GRWD1: variants seen among roughly 807,000 people sequenced by gnomAD.
The protein encoded by GRWD1 is glutamate rich WD repeat containing 1.
GRWD1 carries 29 observed loss-of-function variants against 45.3 expected under a neutral mutation model. The observed-to-expected ratio is 0.64, with a 90% CI of 0.48 to 0.87. The LOEUF (loss-of-function observed/expected upper bound fraction) is 0.87, where lower values mean the gene tolerates loss of function less well. GRWD1 is among the 40% of genes least tolerant of loss of function. The pLI is 0.00. For missense variants in GRWD1, 592 were observed against 618.8 expected, an observed-to-expected ratio of 0.96 and a Z score of 0.46; for synonymous variants, 262 against 257.6, an observed-to-expected ratio of 1.02 and a Z score of -0.16.
chr19:48,446,696 G>T lies in GRWD1; in HGVS notation c.321G>T (p.Arg107=). 2.1e-5 allele frequency: 33 copies of T among 1,599,802 alleles called. No individual in the cohort carries two copies. Among genetic ancestry groups the T allele is most frequent in the Non-Finnish European group, 2.6e-5 (31 of 1,172,946 alleles). ...TTTCTCCCAGACTGATGATGCTTCG[G>T]ATGCACAATCTGCATGGGACAAAGC... The part of the protein sequence containing the change: ...SAQSNRLMML[R]MHNLHGTKPP... The change falls in exon 3 of 7, where the codon CGG becomes CGT. Residue 107 remains arginine, a synonymous_variant. Transcript: ENST00000253237.
chr19:48,447,611 G>C (rs746937840), intron 3 of GRWD1, among the ~76,000 whole-genome samples: 1 of 151,576 alleles, frequency 6.6e-6, no homozygotes, highest in African/African-American at 2.4e-5. Context: ...TCCTGACCTC[G>C]AGTGATTGAT....
In GRWD1 at chr19:48,454,185, C is replaced by A. The variant is rs1971508551; in HGVS notation, c.*1160C>A. ...GGCTTCATCTCAGGGAACTCTGGAC[C>A]CCCCATTTCTCCCTCCGTCCATCTC... On this transcript the variant is annotated 3_prime_UTR_variant, in exon 7 of 7. Transcript: ENST00000253237. The A allele has an allele frequency of 6.6e-6, 1 of 152,180 alleles. No individual in the cohort carries two copies. Among genetic ancestry groups the A allele is most frequent in the Non-Finnish European group, 1.5e-5 (1 of 68,120 alleles). The allele number at this position is 152,180 out of a possible 1,614,324, so 9.4% of individuals were successfully genotyped here. A position where few individuals can be genotyped will look rare whatever the true frequency, so the allele number is the denominator to read the frequency against.
Position 48,452,580 on chromosome 19 carries a change from G to T in GRWD1, c.1024-128G>T, listed in dbSNP as rs139736878. 1.3e-6 allele frequency: 1 copy of T among 762,610 alleles called. No homozygotes were observed. Among genetic ancestry groups the T allele is most frequent in the Non-Finnish European group, 2.1e-6 (1 of 468,034 alleles). 47.2% of individuals were successfully genotyped at this position (762,610 alleles called of 1,614,324 possible). ...TGTCCCTTTCCTGGACTCTGGGCTTGTGAGGGCTTAAGGGGTGGGGCCCTG... is the reference window on the plus strand; with the variant it reads ...TGTCCCTTTCCTGGACTCTGGGCTTTTGAGGGCTTAAGGGGTGGGGCCCTG... On this transcript the variant is annotated intron_variant, in intron 6 of 6. Transcript: ENST00000253237. The surrounding 1 kb of genome is among the most constrained non-coding windows in gnomAD (Gnocchi z 5.1).
At position 48,451,084 on chromosome 19, in the gene GRWD1, G is replaced by A. The variant is rs184556377; in HGVS notation, c.876G>A (p.Arg292=). 1.3e-4 allele frequency: 205 copies of A among 1,614,042 alleles called. 4 individuals carry two copies. The East Asian group carries it at 3.3e-3, about 26-fold the overall frequency. ...ADASIRIWDI[R]AAPSKACMLT... ...CCTCCATCCGCATCTGGGACATCCGGGCAGCCCCCAGCAAGGCCTGCATGC... is the reference window on the plus strand; with the variant it reads ...CCTCCATCCGCATCTGGGACATCCGAGCAGCCCCCAGCAAGGCCTGCATGC... Residue 292 remains arginine (R), a synonymous_variant, in exon 6 of 7, where the codon CGG becomes CGA. Transcript: ENST00000253237.
Position 48,449,839 on chromosome 19 carries a change from A to C in GRWD1, c.469-474A>C, listed in dbSNP as rs550857777. Among the ~76,000 whole-genome samples the C allele has an allele frequency of 2.6e-5, 4 of 152,242 alleles. No individual in the cohort carries two copies. The East Asian group carries it at 7.7e-4, about 29-fold the overall frequency. ...CTGTCTCAAAAACAAAAAAGTTTGAACGGTCAATGCAGTAAGAGTCTGGAG... is the reference window on the plus strand; with the variant it reads ...CTGTCTCAAAAACAAAAAAGTTTGACCGGTCAATGCAGTAAGAGTCTGGAG... On this transcript the variant is annotated intron_variant, in intron 3 of 6. Coordinates refer to ENST00000253237, the MANE Select transcript of GRWD1 (RefSeq NM_031485.4).
rs751367297 is a variant in GRWD1, at chr19:48,452,753, A to G, written c.1069A>G (p.Thr357Ala). 5 of 1,598,980 alleles carry G rather than the reference A, an allele frequency of 3.1e-6. No individual in the cohort carries two copies. In the African/African-American group the frequency reaches 6.7e-5, roughly 21 times the overall value. The change falls in exon 7 of 7, where the codon ACC (threonine) becomes GCC (alanine). Residue 357 changes from threonine (T) to alanine (A), a missense_variant. Thr to Ala is a moderately conservative substitution (Grantham distance 58). Transcript: ENST00000253237. This position sits in a 1 kb window ranked among gnomAD's most constrained non-coding sequence, Gnocchi z 5.1. ...ATFKQHVAPV[T>A]SVEWHPQDSG... ...CTTCAAGCAGCACGTGGCCCCCGTG[A>G]CCTCCGTCGAGTGGCACCCCCAGGA...
rs776202948 is a variant in GRWD1 at position 48,446,198 on chromosome 19, G to A, written c.187+6G>A. On this transcript the variant is annotated splice_donor_region_variant and intron_variant, in intron 1 of 6. Coordinates refer to ENST00000253237, the MANE Select transcript of GRWD1 (RefSeq NM_031485.4). ...CTACCACCGAGCGCAGACTGGTAGG[G>A]CTGAGTCCGGACTCCAGGGTCCTGA... The A allele has an allele frequency of 1.3e-6, 2 of 1,592,448 alleles. No homozygotes were observed. Among genetic ancestry groups the A allele is most frequent in the South Asian group, 1.1e-5 (1 of 88,792 alleles).
chr19:48,453,192 A>G lies in GRWD1; in HGVS notation c.*167A>G. 1.6e-6 allele frequency: 1 copy of G among 617,952 alleles called. No homozygotes were observed. Among genetic ancestry groups the G allele is most frequent in the South Asian group, 2.2e-5 (1 of 45,814 alleles). 38.3% of individuals were successfully genotyped at this position (617,952 alleles called of 1,614,324 possible). On this transcript the variant is annotated 3_prime_UTR_variant, in exon 7 of 7. Coordinates refer to ENST00000253237, the MANE Select transcript of GRWD1 (RefSeq NM_031485.4). ...TCTCTAGAAGGCCTGGCTCTGATCC[A>G]GTGACCCCTCTCACCAAAGAACTCG...
chr19:48,452,041 G>T lies in GRWD1; in HGVS notation c.1024-667G>T, dbSNP rs1223765726. On this transcript the variant is annotated intron_variant, in intron 6 of 6. Coordinates refer to ENST00000253237, the MANE Select transcript of GRWD1 (RefSeq NM_031485.4). This position sits in a 1 kb window ranked among gnomAD's most constrained non-coding sequence, Gnocchi z 5.1. ...TGTTTCTGCCTCCTTTGAGGCCTTT[G>T]TAGAATCTGCTGGGAGAGCTCTGGG... 6.6e-5 allele frequency among the ~76,000 whole-genome samples: 10 copies of T among 151,696 alleles called. No homozygotes were observed. Among genetic ancestry groups the T allele is most frequent in the Admixed American group, 3.3e-4 (5 of 15,244 alleles).
intron 6 of GRWD1, 83 bp downstream of exon 6, chr19:48,451,314 A>T (rs1799274): frequency 0.88 from 1,102,366 of 1,253,358 alleles, 488,245 homozygotes; most frequent in Non-Finnish European, 0.91. Flanking sequence ...TCCTCCTTGA[A>T]TAGTTTTACA....
rs549704109 is a variant in GRWD1 at position 48,446,726 on chromosome 19, A to G, written c.351A>G (p.Pro117=). 1.2e-6 allele frequency: 2 copies of G among 1,612,596 alleles called. No individual in the cohort carries two copies. The highest frequency in any genetic ancestry group is 1.7e-5 in the Admixed American group (1 of 59,718). ...ACAATCTGCATGGGACAAAGCCCCC[A>G]CCCTCAGAGGGCAGTGATGAAGAAG... ...RMHNLHGTKP[P]PSEGSDEEEE... is the part of the protein sequence containing the mutation. Residue 117 remains proline, a synonymous_variant, in exon 3 of 7, where the codon CCA becomes CCG. Coordinates refer to ENST00000253237, the MANE Select transcript of GRWD1 (RefSeq NM_031485.4).
At position 48,454,625 on chromosome 19, in the gene GRWD1, C is replaced by G. The variant is rs1971515845; in HGVS notation, c.*1600C>G. ...ATGCAAGGCACCGCTGAGCCATCCC[C>G]TCCTGCTCTGCTGCGTCGCCCCCAT... On this transcript the variant is annotated 3_prime_UTR_variant, in exon 7 of 7. Transcript: ENST00000253237. 1 of 152,476 alleles carries G rather than the reference C, an allele frequency of 6.6e-6. No individual in the cohort carries two copies. Among genetic ancestry groups the G allele is most frequent in the Admixed American group, 6.6e-5 (1 of 15,254 alleles). The allele number at this position is 152,476 out of a possible 1,614,324, so 9.4% of individuals were successfully genotyped here. A position where few individuals can be genotyped will look rare whatever the true frequency, so the allele number is the denominator to read the frequency against.
chr19:48,452,661 T>G lies in GRWD1; in HGVS notation c.1024-47T>G. 6.8e-7 allele frequency: 1 copy of G among 1,476,938 alleles called. No individual in the cohort carries two copies. Among genetic ancestry groups the G allele is most frequent in the Non-Finnish European group, 9.2e-7 (1 of 1,089,808 alleles). The allele number at this position is 1,476,938 out of a possible 1,614,324, so 91.5% of individuals were successfully genotyped here. A position where few individuals can be genotyped will look rare whatever the true frequency, so the allele number is the denominator to read the frequency against. On this transcript the variant is annotated intron_variant, in intron 6 of 6. Coordinates refer to ENST00000253237, the MANE Select transcript of GRWD1 (RefSeq NM_031485.4). This position sits in a 1 kb window ranked among gnomAD's most constrained non-coding sequence, Gnocchi z 5.1. ...GCTTCTGCCTGGGTCCTCCCCAGAG[T>G]CAGGCTGAGGCATTCAGAGCCCGTT...
chr19:48,450,500 C>T lies in GRWD1; in HGVS notation c.656C>T (p.Ala219Val). 1.2e-6 allele frequency: 2 copies of T among 1,614,142 alleles called. No individual in the cohort carries two copies. The highest frequency in any genetic ancestry group is 1.7e-6 in the Non-Finnish European group (2 of 1,180,024). Residue 219 changes from alanine to valine, a missense_variant, in exon 4 of 7, where the codon GCC becomes GTC. Ala to Val is a moderately conservative substitution (Grantham distance 64). Coordinates refer to ENST00000253237, the MANE Select transcript of GRWD1 (RefSeq NM_031485.4). The surrounding 1 kb of genome is among the most constrained non-coding windows in gnomAD (Gnocchi z 5.1). ...SFAGHMGEGFALDWSPRVTGR... is the reference protein window; with the variant it reads ...SFAGHMGEGFVLDWSPRVTGR... ...GCTGGACACATGGGCGAGGGCTTTGCCCTTGACTGGTCCCCCCGGGTGACC... is the reference window on the plus strand; with the variant it reads ...GCTGGACACATGGGCGAGGGCTTTGTCCTTGACTGGTCCCCCCGGGTGACC...
chr19:48,454,007 C>G lies in GRWD1; in HGVS notation c.*982C>G, dbSNP rs1457780368. On this transcript the variant is annotated 3_prime_UTR_variant, in exon 7 of 7. Coordinates refer to ENST00000253237, the MANE Select transcript of GRWD1 (RefSeq NM_031485.4). ...TTTGGCACCAGCTGCCCCCAGGCCG[C>G]TAGGCTGGGGGAGGCCACTGGGAGT... 1 of 152,180 alleles carries G rather than the reference C, an allele frequency of 6.6e-6. No individual in the cohort carries two copies. Among genetic ancestry groups the G allele is most frequent in the Non-Finnish European group, 1.5e-5 (1 of 68,076 alleles). 9.4% of individuals were successfully genotyped at this position (152,180 alleles called of 1,614,324 possible).
intron 3 of GRWD1, among the ~76,000 whole-genome samples, chr19:48,448,822 G>A (rs552960423): frequency 6.6e-5 from 10 of 152,248 alleles, no homozygotes; most frequent in East Asian, 1.9e-4. Flanking sequence ...TTTGGGGAGC[G>A]GGCACAGAGA....
Position 48,453,887 on chromosome 19 carries a change from C to G in GRWD1, c.*862C>G, listed in dbSNP as rs1220693761. The G allele has an allele frequency of 6.6e-6, 1 of 152,106 alleles. No homozygotes were observed. Among genetic ancestry groups the G allele is most frequent in the Non-Finnish European group, 1.5e-5 (1 of 68,056 alleles). 9.4% of individuals were successfully genotyped at this position (152,106 alleles called of 1,614,324 possible). On this transcript the variant is annotated 3_prime_UTR_variant, in exon 7 of 7. Transcript: ENST00000253237. ...GGGCTCCTGAGCAGCAATAAAGGAC[C>G]AGGAAGAGGCCTGAGGTGTATTTGA...
rs771959944 is a variant in GRWD1 at position 48,451,023 on chromosome 19, G to A, written c.826-11G>A. The A allele has an allele frequency of 8.9e-5, 143 of 1,609,456 alleles. 1 individual carries two copies. The Middle Eastern group carries it at 2.9e-3, about 32-fold the overall frequency. The stretch of plus-strand genomic sequence containing the variant: ...GGGGCATTGGGACCACTCAGACTCC[G>A]CCTCCCCCAGGTGTTTGCCTCCTGC... On this transcript the variant is annotated splice_polypyrimidine_tract_variant and intron_variant, in intron 5 of 6. Transcript: ENST00000253237.
chr19:48,451,323 C>T (rs541680975), intron 6 of GRWD1, 92 bp downstream of exon 6: 14 of 1,143,614 alleles, frequency 1.2e-5, no homozygotes, highest in Admixed American at 8.4e-5. Context: ...AATAGTTTTA[C>T]ACAACCAGAG....
Sources: gnomAD v4.1 joint callset for allele counts (sites outside exome capture counted in the v4.1 genomes callset) on GRCh38, gnomAD v4.1.1 for gene constraint, Gnocchi (gnomAD v3.1) non-coding constraint, MANE v1.5 for transcripts, NCBI Gene and HGNC (gene_info 2026-07-23, HGNC 2026-07-21) for gene names.